The following MYH9 variants were observed in gnomAD, a reference collection of about 807,000 sequenced individuals.
The protein encoded by MYH9 is myosin-9.
A neutral mutation model predicts 241.9 loss-of-function variants in MYH9; 29 were observed. The observed-to-expected ratio is 0.12, with a 90% CI of 0.09 to 0.16. MYH9 has a LOEUF of 0.16. Among genes scored for constraint, MYH9 ranks in the 10% least tolerant of loss-of-function variants. The pLI, the probability that MYH9 is intolerant of heterozygous loss-of-function variation, is 1.00. For synonymous variants in MYH9, 1,047 were observed against 1,062.6 expected (o/e 0.99, Z 0.29); for missense variants, 1,803 against 2,595.5 (o/e 0.69, Z 6.63).
chr22:36,377,257 A>T (rs1368989862), intron 1 of MYH9, among the ~76,000 whole-genome samples: 1 of 152,116 alleles, frequency 6.6e-6, no homozygotes, highest in Non-Finnish European at 1.5e-5. Flanking sequence ...AGTTAGATTA[A>T]GTCACCCAGA....
Position 36,306,046 on chromosome 22 carries a change from G to A in MYH9, c.2043C>T (p.Gly681=). Residue 681 remains glycine, a synonymous_variant, in exon 17 of 41, where the codon GGC becomes GGT. Transcript: ENST00000216181. This position sits in a 1 kb window ranked among gnomAD's most constrained non-coding sequence, Gnocchi z 4.1. ...CCAGCACGAGATGCGGGTCCAGCTT[G>A]CCGGCCTGGAGAAGAAAACACATGC... ...CIIPNHEKKA[G]KLDPHLVLDQ... 6.2e-7 allele frequency: 1 copy of A among 1,612,982 alleles called. No homozygotes were observed. Among genetic ancestry groups the A allele is most frequent in the Non-Finnish European group, 8.5e-7 (1 of 1,180,018 alleles).
At chr22:36,351,859 G>A (rs1178417632) in intron 1 of MYH9, among the ~76,000 whole-genome samples, 4 of 151,920 alleles carry the variant, frequency 2.6e-5, no homozygotes, top group Admixed American at 6.6e-5. Context: ...TGAGGACATC[G>A]GTGCCCCTCA....
chr22:36,338,676 C>T (rs558312886), intron 3 of MYH9, among the ~76,000 whole-genome samples: 1 of 152,070 alleles, frequency 6.6e-6, no homozygotes, highest in African/African-American at 2.4e-5. Context: ...AAAAATTAGC[C>T]AGGCGTGGTA....
chr22:36,314,780 C>A (rs1007929956), intron 12 of MYH9, among the ~76,000 whole-genome samples: 5 of 152,112 alleles, frequency 3.3e-5, no homozygotes, highest in African/African-American at 9.7e-5. Flanking sequence ...TCCCTAGTAG[C>A]TGGGACCCCA....
At chr22:36,351,242 G>A (rs1400292788) in intron 1 of MYH9, among the ~76,000 whole-genome samples, 1 of 152,194 alleles carries the variant, frequency 6.6e-6, no homozygotes, top group Admixed American at 6.5e-5. Context: ...AACAGAGCTT[G>A]GCAGCATCAC....
chr22:36,294,175 C>T lies in MYH9; in HGVS notation c.3754G>A (p.Ala1252Thr), dbSNP rs769439120. 4.3e-6 allele frequency: 7 copies of T among 1,613,776 alleles called. No homozygotes were observed. In the East Asian group the frequency reaches 1.3e-4, roughly 31 times the overall value. ...TTGACCTGCAGCTCCTGCAGCTGCG[C>T]CTCCACTTTCTTGCGCTTGTGCTCC... ...DSEHKRKKVE[A>T]QLQELQVKFN... Residue 1252 changes from alanine (A) to threonine (T), a missense_variant, in exon 28 of 41, where the codon GCG (alanine) becomes ACG (threonine). Coordinates refer to ENST00000216181, the MANE Select transcript of MYH9 (RefSeq NM_002473.6).
intron 34 of MYH9, among the ~76,000 whole-genome samples, chr22:36,287,285 C>A (rs1300338301): frequency 1.3e-5 from 2 of 152,074 alleles, no homozygotes; most frequent in East Asian, 3.8e-4. Flanking sequence ...TTTCCTTTTG[C>A]AGATAAATCC....
At position 36,306,432 on chromosome 22, in the gene MYH9, G is replaced by A. The variant is rs1603483151; in HGVS notation, c.2019C>T (p.Ile673=). ...NTNPNFVRCI[I]PNHEKKAGKL... is the part of the protein sequence containing the mutation. ...GCCGCACCTTCTTCTCGTGGTTGGG[G>A]ATGATGCAGCGGACAAAGTTGGGGT... Residue 673 remains isoleucine, a synonymous_variant, in exon 16 of 41, where the codon ATC becomes ATT. Coordinates refer to ENST00000216181, the MANE Select transcript of MYH9 (RefSeq NM_002473.6). The surrounding 1 kb of genome is among the most constrained non-coding windows in gnomAD (Gnocchi z 4.1). 1 of 1,614,114 alleles carries A rather than the reference G, an allele frequency of 6.2e-7. No homozygotes were observed. The highest frequency in any genetic ancestry group is 8.5e-7 in the Non-Finnish European group (1 of 1,180,040).
chr22:36,322,491 T>G lies in MYH9; in HGVS notation c.643A>C (p.Asn215His). Residue 215 changes from asparagine to histidine, a missense_variant, in exon 6 of 41, where the codon AAC becomes CAC. Physicochemically the swap from Asn to His is moderately conservative, Grantham distance 68. Transcript: ENST00000216181. The part of the protein sequence containing the change: ...GELERQLLQA[N>H]PILEAFGNAK... ...TTCCCGAAGGCCTCCAGGATGGGGT[T>G]GGCCTGCAGCAGCTGCCGCTCCAGC... is the stretch of plus-strand genomic sequence containing the variant. The G allele has an allele frequency of 6.2e-7, 1 of 1,613,672 alleles. No homozygotes were observed. The highest frequency in any genetic ancestry group is 8.5e-7 in the Non-Finnish European group (1 of 1,179,964).
rs768723775 is a variant in MYH9 at position 36,282,017 on chromosome 22, G to A, written c.*651C>T. On this transcript the variant is annotated 3_prime_UTR_variant, in exon 41 of 41. Coordinates refer to ENST00000216181, the MANE Select transcript of MYH9 (RefSeq NM_002473.6). The stretch of plus-strand genomic sequence containing the variant: ...TGCACTTGAGACATTTTAGAATCAG[G>A]AGGGAGACAGCGGACAGTGGCGCTG... The A allele has an allele frequency of 3.4e-5, 8 of 234,028 alleles. No homozygotes were observed. Among genetic ancestry groups the A allele is most frequent in the Admixed American group, 1.7e-4 (3 of 17,984 alleles). The allele number at this position is 234,028 out of a possible 1,614,324, so 14.5% of individuals were successfully genotyped here. A position where few individuals can be genotyped will look rare whatever the true frequency, so the allele number is the denominator to read the frequency against.
intron 3 of MYH9, among the ~76,000 whole-genome samples, chr22:36,339,608 G>A (rs1479350461): frequency 6.6e-6 from 1 of 152,208 alleles, no homozygotes; most frequent in Non-Finnish European, 1.5e-5. Context: ...GTGGGTGGTG[G>A]AGGACAGGCT....
intron 1 of MYH9, among the ~76,000 whole-genome samples, chr22:36,371,792 C>T (rs2018094545): frequency 6.6e-6 from 1 of 152,080 alleles, no homozygotes; most frequent in Admixed American, 6.6e-5. Flanking sequence ...GCCTCGGCCT[C>T]CCAAAGTGCT....
Position 36,316,505 on chromosome 22 carries a change from G to A in MYH9, c.1380+12C>T. On this transcript the variant is annotated intron_variant, in intron 12 of 40. Coordinates refer to ENST00000216181, the MANE Select transcript of MYH9 (RefSeq NM_002473.6). ...GGAGGCAGCAGGGTGGGTAATGAAG[G>A]GCAAGGCTCACATCAAAGATCTCGA... 1.2e-6 allele frequency: 2 copies of A among 1,614,050 alleles called. No homozygotes were observed. The highest frequency in any genetic ancestry group is 2.2e-5 in the South Asian group (2 of 91,066).
chr22:36,319,966 C>T (rs1169404745), intron 9 of MYH9: 2 of 614,556 alleles, frequency 3.3e-6, no homozygotes, highest in South Asian at 3.9e-5. Context: ...ATGGCAAGGG[C>T]TGTGCAGTGG....
intron 3 of MYH9, among the ~76,000 whole-genome samples, chr22:36,338,279 T>G (rs1418814501): frequency 6.6e-6 from 1 of 151,448 alleles, no homozygotes; most frequent in Non-Finnish European, 1.5e-5. Flanking sequence ...GGATTACAGG[T>G]GTAAGCCACC....
chr22:36,285,362 G>A lies in MYH9; in HGVS notation c.5275-33C>T, dbSNP rs766121590. 2.5e-6 allele frequency: 4 copies of A among 1,599,064 alleles called. No individual in the cohort carries two copies. Among genetic ancestry groups the A allele is most frequent in the Admixed American group, 3.3e-5 (2 of 60,028 alleles). On this transcript the variant is annotated intron_variant, in intron 37 of 40. Coordinates refer to ENST00000216181, the MANE Select transcript of MYH9 (RefSeq NM_002473.6). This position sits in a 1 kb window ranked among gnomAD's most constrained non-coding sequence, Gnocchi z 7.0. Reference sequence around the variant, plus strand: ...AGAAGGGCCAGTGACCTTGGGGAGGGCTGGGGCCCTGGCTGGAGGGCATGA... The same window carrying A: ...AGAAGGGCCAGTGACCTTGGGGAGGACTGGGGCCCTGGCTGGAGGGCATGA...
rs746118702 is a variant in MYH9, at chr22:36,285,295, C to A, written c.5309G>T (p.Arg1770Leu). ...ATTCTCGTTCTTCTGGGCGTGGCTGCGCTCCAGGTTCAGGTCGGTGTTGAT... is the reference window on the plus strand; with the variant it reads ...ATTCTCGTTCTTCTGGGCGTGGCTGAGCTCCAGGTTCAGGTCGGTGTTGAT... ...DQINTDLNLE[R>L]SHAQKNENAR... Residue 1770 changes from arginine to leucine, a missense_variant, in exon 38 of 41, where the codon CGC becomes CTC. Physicochemically the swap from Arg to Leu is moderately radical, Grantham distance 102. Around this residue, in one of 11 missense-constraint regions of MYH9, gnomAD observed 876 missense variants for 1,077.8 expected, o/e 0.81. Coordinates refer to ENST00000216181, the MANE Select transcript of MYH9 (RefSeq NM_002473.6). The surrounding 1 kb of genome is among the most constrained non-coding windows in gnomAD (Gnocchi z 7.0). 9 of 1,612,858 alleles carry A rather than the reference C, an allele frequency of 5.6e-6. No homozygotes were observed. Among genetic ancestry groups the A allele is most frequent in the Non-Finnish European group, 7.6e-6 (9 of 1,180,018 alleles).
intron 1 of MYH9, among the ~76,000 whole-genome samples, chr22:36,387,397 C>G (rs1423061435): frequency 6.6e-6 from 1 of 152,212 alleles, no homozygotes; most frequent in Non-Finnish European, 1.5e-5. Flanking sequence ...AGGCTGCGTC[C>G]CAGGGGCCGC....
chr22:36,314,942 C>G (rs1220648189), intron 12 of MYH9, among the ~76,000 whole-genome samples: 1 of 152,184 alleles, frequency 6.6e-6, no homozygotes, highest in East Asian at 1.9e-4. Flanking sequence ...AGCCACTGCA[C>G]CAGGCCCTTC....
Sources: gnomAD v4.1 joint callset for allele counts (sites outside exome capture counted in the v4.1 genomes callset) on GRCh38, gnomAD v4.1.1 for gene constraint, gnomAD v4.1.1 regional missense constraint, Gnocchi (gnomAD v3.1) non-coding constraint, MANE v1.5 for transcripts, NCBI Gene and HGNC (gene_info 2026-07-23, HGNC 2026-07-21) for gene names.